Variants in EGLN1 observed in about 807,000 individuals in gnomAD.
EGLN1 encodes egl nine homolog 1.
A neutral mutation model predicts 38.3 loss-of-function variants in EGLN1; 17 were observed. The observed-to-expected ratio is 0.44, with a 90% confidence interval of 0.30 to 0.67. The LOEUF is 0.67. Among genes scored for constraint, EGLN1 ranks in the 30% least tolerant of loss-of-function variants. The probability of loss-of-function intolerance (pLI) is 0.08; values close to 1 mark genes in which losing one functional copy is unlikely to be tolerated. For synonymous variants in EGLN1, 283 were observed against 257.5 expected (o/e 1.10, Z -0.95); for missense variants, 477 against 603.3 (o/e 0.79, Z 2.19).
chr1:231,379,830 G>T (rs1438811567), intron 1 of EGLN1, among the ~76,000 whole-genome samples: 1 of 152,100 alleles, frequency 6.6e-6, no homozygotes, highest in African/African-American at 2.4e-5. Flanking sequence ...ATAACAAAAC[G>T]ACACTGAACA....
Position 231,370,606 on chromosome 1 carries a change from A to G in EGLN1, c.1104T>C (p.Ser368=), listed in dbSNP as rs1687795716. The change falls in exon 3 of 5, where the codon TCT becomes TCC. Residue 368 remains serine, a synonymous_variant. Transcript: ENST00000366641. The stretch of plus-strand genomic sequence containing the variant: ...GTACTTCATGAGGGTTGCGACGGTC[A>G]GACCAGAAAAACAGCAGTCTATCAA... The part of the protein sequence containing the change: ...PKFDRLLFFW[S]DRRNPHEVQP... The G allele has an allele frequency of 6.2e-7, 1 of 1,614,140 alleles. No homozygotes were observed. The highest frequency in any genetic ancestry group is 1.1e-5 in the South Asian group (1 of 91,088).
At chr1:231,419,962 A>G (rs1416911) in intron 1 of EGLN1, among the ~76,000 whole-genome samples, 22,941 of 152,140 alleles carry the variant, frequency 0.15, 2,129 homozygotes, top group African/African-American at 0.25. Context: ...ACAAAATCAG[A>G]GACTGATGGT....
chr1:231,389,970 CA>C (rs752826591), intron 1 of EGLN1, among the ~76,000 whole-genome samples: 15 of 151,974 alleles, frequency 9.9e-5, no homozygotes, highest in Non-Finnish European at 2.2e-4. Flanking sequence ...AAACAAACAA[CA>C]ACAACAACAA....
In EGLN1 at chr1:231,406,456, C is replaced by T. The variant is rs866102756; in HGVS notation, c.891+14542G>A. 3.9e-4 allele frequency among the ~76,000 whole-genome samples: 60 copies of T among 152,126 alleles called. 1 individual carries two copies. In the Middle Eastern group the frequency reaches 0.01, roughly 26 times the overall value. ...ATTATCACTATATGGTAGTTTCCAT[C>T]CTGGTATATACCGGTTAACTTTGTT... is the stretch of plus-strand genomic sequence containing the variant. On this transcript the variant is annotated intron_variant, in intron 1 of 4. Coordinates refer to ENST00000366641, the MANE Select transcript of EGLN1 (RefSeq NM_022051.3).
chr1:231,378,100 T>C (rs1211204110), intron 1 of EGLN1, among the ~76,000 whole-genome samples: 2 of 152,072 alleles, frequency 1.3e-5, no homozygotes, highest in Admixed American at 6.6e-5. Flanking sequence ...ACAGGAATAC[T>C]GAAAAATGAG....
chr1:231,406,048 T>TA (rs1553355559), intron 1 of EGLN1, among the ~76,000 whole-genome samples: 9 of 137,616 alleles, frequency 6.5e-5, no homozygotes, highest in Non-Finnish European at 1.4e-4. Flanking sequence ...TTTTTTTTTT[T>TA]AATTCAGGTA....
intron 3 of EGLN1, among the ~76,000 whole-genome samples, chr1:231,368,642 T>A (rs1414205006): frequency 6.6e-6 from 1 of 152,210 alleles, no homozygotes; most frequent in Non-Finnish European, 1.5e-5. Flanking sequence ...CTGGGCAGAA[T>A]ATAGCAATTA....
intron 1 of EGLN1, among the ~76,000 whole-genome samples, chr1:231,387,254 CA>C: frequency 6.6e-6 from 1 of 151,588 alleles, no homozygotes; most frequent in African/African-American, 2.4e-5. Context: ...CACACACACA[CA>C]CCCCCCTAAT....
chr1:231,395,264 C>T (rs187634846), intron 1 of EGLN1, among the ~76,000 whole-genome samples: 14 of 152,294 alleles, frequency 9.2e-5, no homozygotes, highest in African/African-American at 3.4e-4. Flanking sequence ...CTCTTTGGCT[C>T]CACAGACAAG....
intron 3 of EGLN1, among the ~76,000 whole-genome samples, chr1:231,368,785 C>A (rs1228900575): frequency 1.3e-5 from 2 of 152,248 alleles, no homozygotes; most frequent in Non-Finnish European, 2.9e-5. Flanking sequence ...GGAGTTTGGA[C>A]AACTGGGAGC....
intron 1 of EGLN1, among the ~76,000 whole-genome samples, chr1:231,382,934 T>A (rs1688108664): frequency 6.6e-6 from 1 of 151,786 alleles, no homozygotes. Context: ...GGCACACGCC[T>A]GTAATCCCAG....
chr1:231,404,845 T>G (rs1688748485), intron 1 of EGLN1, among the ~76,000 whole-genome samples: 2 of 152,156 alleles, frequency 1.3e-5, no homozygotes, highest in South Asian at 4.1e-4. Context: ...TTAATCAAGG[T>G]GTTCCTCAGC....
intron 1 of EGLN1, among the ~76,000 whole-genome samples, chr1:231,378,930 T>G (rs1482165071): frequency 6.6e-6 from 1 of 152,188 alleles, no homozygotes; most frequent in African/African-American, 2.4e-5. Flanking sequence ...ACTATGCCTT[T>G]TGTAGAGGCT....
In EGLN1 at chr1:231,364,694, A is replaced by T. The variant is rs2102887074; in HGVS notation, c.*1717T>A. On this transcript the variant is annotated 3_prime_UTR_variant, in exon 5 of 5. Transcript: ENST00000366641. ...CCATAGAAAAGGTCTCAAATTGAAT[A>T]CAAACTATACAGATGCTAAAAATGT... The T allele has an allele frequency of 6.6e-6, 1 of 152,370 alleles. No individual in the cohort carries two copies. The highest frequency in any genetic ancestry group is 2.1e-4 in the South Asian group (1 of 4,832). 9.4% of individuals were successfully genotyped at this position (152,370 alleles called of 1,614,324 possible).
intron 1 of EGLN1, among the ~76,000 whole-genome samples, chr1:231,397,508 A>G (rs1467696220): frequency 6.6e-6 from 1 of 152,206 alleles, no homozygotes; most frequent in Non-Finnish European, 1.5e-5. Flanking sequence ...GAACACAGTC[A>G]AGCTCAATCT....
At chr1:231,419,928 T>G (rs954227064) in intron 1 of EGLN1, among the ~76,000 whole-genome samples, 2 of 152,112 alleles carry the variant, frequency 1.3e-5, no homozygotes, top group African/African-American at 4.8e-5. Flanking sequence ...TGTGATGCTC[T>G]CCCAGGTCAA....
At chr1:231,411,354 T>G (rs963245370) in intron 1 of EGLN1, among the ~76,000 whole-genome samples, 1 of 152,234 alleles carries the variant, frequency 6.6e-6, no homozygotes, top group African/African-American at 2.4e-5. Flanking sequence ...CATGTGGAAC[T>G]GTGAGTCAAT....
chr1:231,376,237 C>T (rs538774074), intron 1 of EGLN1, among the ~76,000 whole-genome samples: 5 of 152,204 alleles, frequency 3.3e-5, no homozygotes, highest in African/African-American at 1.2e-4. Context: ...ATAAATTGCA[C>T]ACCATTCTGA....
intron 1 of EGLN1, among the ~76,000 whole-genome samples, chr1:231,398,403 A>G (rs906597977): frequency 6.6e-5 from 10 of 152,174 alleles, no homozygotes; most frequent in Admixed American, 6.5e-4. Flanking sequence ...GGATAAAGCA[A>G]TTCTTCTGCC....
Sources: allele counts gnomAD v4.1 joint callset (sites outside exome capture counted in the v4.1 genomes callset), GRCh38; gene constraint gnomAD v4.1.1; transcripts MANE v1.5; gene names NCBI Gene and HGNC (gene_info 2026-07-23, HGNC 2026-07-21).